Variants in CYSTM1 observed in about 807,000 individuals in gnomAD.
The protein encoded by CYSTM1 is cysteine rich transmembrane module containing 1.
A neutral mutation model predicts 13.1 loss-of-function variants in CYSTM1; 4 were observed. The ratio of observed to expected loss-of-function variants is 0.31; its 90% CI spans 0.15 to 0.70. The LOEUF is 0.70. Ranked by LOEUF, CYSTM1 falls within the 30% of genes least tolerant of loss-of-function variation. The pLI is 0.72. For synonymous variants in CYSTM1, 36 were observed against 42.7 expected, an observed-to-expected ratio of 0.84 and a Z score of 0.62; for missense variants, 96 against 121.6, an observed-to-expected ratio of 0.79 and a Z score of 0.99.
At chr5:140,222,944 T>C (rs1764508420) in intron 2 of CYSTM1, among the ~76,000 whole-genome samples, 5 of 152,232 alleles carry the variant, frequency 3.3e-5, no homozygotes, top group Admixed American at 3.3e-4. Context: ...CTCCTATTCT[T>C]ACCCCCAAAA....
chr5:140,216,128 T>C (rs908137972), intron 2 of CYSTM1, among the ~76,000 whole-genome samples: 6 of 151,782 alleles, frequency 4.0e-5, no homozygotes, highest in Non-Finnish European at 7.4e-5. Flanking sequence ...GGTAACAAAA[T>C]GAGACCCTGT....
At chr5:140,176,317 G>T (rs1763883125) in intron 1 of CYSTM1, among the ~76,000 whole-genome samples, 1 of 152,142 alleles carries the variant, frequency 6.6e-6, no homozygotes, top group African/African-American at 2.4e-5. Flanking sequence ...AAGGGTAGGG[G>T]CTCAGGCAGC....
intron 2 of CYSTM1, among the ~76,000 whole-genome samples, chr5:140,227,733 C>T (rs1764574777): frequency 2.0e-5 from 3 of 152,148 alleles, no homozygotes. Flanking sequence ...GAAATAGACG[C>T]TTGAAGAGAT....
chr5:140,236,213 C>T (rs538828030), intron 2 of CYSTM1, among the ~76,000 whole-genome samples: 1 of 152,288 alleles, frequency 6.6e-6, no homozygotes, highest in African/African-American at 2.4e-5. Context: ...ATTATCTGTA[C>T]GTCTTTCATC....
At chr5:140,195,371 A>G (rs1764141009) in intron 2 of CYSTM1, among the ~76,000 whole-genome samples, 1 of 149,978 alleles carries the variant, frequency 6.7e-6, no homozygotes, top group African/African-American at 2.4e-5. Flanking sequence ...ACTGTGCTAG[A>G]TGTCTTGGTC....
Position 140,219,187 on chromosome 5 carries a change from A to G in CYSTM1, c.188-24118A>G, listed in dbSNP as rs1764463089. The stretch of plus-strand genomic sequence containing the variant: ...CTGCTGGTGAAGTCTCTAGCCTCAC[A>G]TTTGCCAAATAATCACATCTCAGTG... On this transcript the variant is annotated intron_variant, in intron 2 of 2. Transcript: ENST00000261811. The surrounding 1 kb of genome is among the most constrained non-coding windows in gnomAD (Gnocchi z 4.1). Among the ~76,000 whole-genome samples, 1 of 151,988 alleles carries G rather than the reference A, an allele frequency of 6.6e-6. No homozygotes were observed. The highest frequency in any genetic ancestry group is 1.5e-5 in the Non-Finnish European group (1 of 67,992).
intron 1 of CYSTM1, among the ~76,000 whole-genome samples, chr5:140,184,562 A>C (rs1763994667): frequency 6.6e-6 from 1 of 152,242 alleles, no homozygotes; most frequent in East Asian, 1.9e-4. Context: ...CGCTATAAAA[A>C]GAAAGGCTGT....
chr5:140,226,495 AAT>A (rs1166948991), intron 2 of CYSTM1, among the ~76,000 whole-genome samples: 1 of 104,316 alleles, frequency 9.6e-6, no homozygotes, highest in Middle Eastern at 3.8e-3. Context: ...ATATATATAT[AAT>A]ATATATAAAT....
At chr5:140,205,926 T>C (rs1014768026) in intron 2 of CYSTM1, among the ~76,000 whole-genome samples, 1 of 152,208 alleles carries the variant, frequency 6.6e-6, no homozygotes, top group Admixed American at 6.5e-5. Context: ...CTCCTGCTCA[T>C]GCCCTCTGCT....
intron 1 of CYSTM1, among the ~76,000 whole-genome samples, chr5:140,181,983 CA>C (rs1398009511): frequency 1.3e-5 from 2 of 152,188 alleles, no homozygotes; most frequent in Non-Finnish European, 2.9e-5. Context: ...TAGTGTTTTT[CA>C]CACTTCATTT....
chr5:140,177,349 T>A (rs1763903156), intron 1 of CYSTM1, among the ~76,000 whole-genome samples: 1 of 152,114 alleles, frequency 6.6e-6, no homozygotes, highest in Non-Finnish European at 1.5e-5. Context: ...TGGAGTGCAG[T>A]GTCGAGATCT....
rs138383274 is a variant in CYSTM1, at chr5:140,229,037, T to C, written c.188-14268T>C. 420 of 379,280 alleles carry C rather than the reference T, an allele frequency of 1.1e-3. 2 individuals carry two copies. The highest frequency in any genetic ancestry group is 8.1e-3 in the African/African-American group (391 of 48,380). 23.5% of individuals were successfully genotyped at this position (379,280 alleles called of 1,614,324 possible). A position where few individuals can be genotyped will look rare whatever the true frequency, so the allele number is the denominator to read the frequency against. The stretch of plus-strand genomic sequence containing the variant: ...ACTAGTGACCTTGAACATAAACATA[T>C]AAGTTTTGGGCAGTTTGTACATATC... On this transcript the variant is annotated intron_variant, in intron 2 of 2. Transcript: ENST00000261811.
chr5:140,187,815 T>C (rs1350457590), intron 1 of CYSTM1, among the ~76,000 whole-genome samples: 1 of 152,190 alleles, frequency 6.6e-6, no homozygotes, highest in Non-Finnish European at 1.5e-5. Flanking sequence ...TTTGGTTTTT[T>C]ACCCCAAGTC....
At chr5:140,181,416 T>C (rs1203077800) in intron 1 of CYSTM1, among the ~76,000 whole-genome samples, 1 of 152,224 alleles carries the variant, frequency 6.6e-6, no homozygotes, top group Non-Finnish European at 1.5e-5. Flanking sequence ...GCTAACTTTG[T>C]TGAACTAATT....
rs1290068783 is a variant in CYSTM1 at position 140,243,306 on chromosome 5, G to A, written c.189G>A (p.Val63=). The A allele has an allele frequency of 9.3e-6, 15 of 1,612,898 alleles. No individual in the cohort carries two copies. Among genetic ancestry groups the A allele is most frequent in the South Asian group, 1.1e-5 (1 of 91,058 alleles). Residue 63 remains valine, a splice_region_variant and synonymous_variant, in exon 3 of 3, where the codon GTG becomes GTA. Transcript: ENST00000261811. ...GGPQEPPKTT[V]YVVEDQRRDE... ...CCCTCTTCCCTCTTCTCCCTCCAGT[G>A]TATGTGGTAGAAGACCAAAGAAGAG...
At chr5:140,196,805 A>G (rs1216895913) in intron 2 of CYSTM1, among the ~76,000 whole-genome samples, 3 of 152,260 alleles carry the variant, frequency 2.0e-5, no homozygotes, top group African/African-American at 7.2e-5. Flanking sequence ...AAAAACAGAC[A>G]AAAACTATGT....
rs774127237 is a variant in CYSTM1 at position 140,213,002 on chromosome 5, TATATATATGA to T, written c.187+18351_187+18360del. ...ACAAAAGTATATATATATATATATA[TATATATATGA>T]GAGAGAGAGACAGAGAGAGAGAGAA... On this transcript the variant is annotated intron_variant, in intron 2 of 2. Coordinates refer to ENST00000261811, the MANE Select transcript of CYSTM1 (RefSeq NM_032412.4). Among the ~76,000 whole-genome samples the T allele has an allele frequency of 1.6e-4, 22 of 136,702 alleles. 2 individuals are homozygous for T. The highest frequency in any genetic ancestry group is 3.7e-4 in the Admixed American group (5 of 13,620). 89.7% of individuals were successfully genotyped at this position (136,702 alleles called of 152,430 possible).
chr5:140,208,952 T>A (rs1764330851), intron 2 of CYSTM1, among the ~76,000 whole-genome samples: 1 of 149,824 alleles, frequency 6.7e-6, no homozygotes, highest in Non-Finnish European at 1.5e-5. Flanking sequence ...GGCAGGAGAA[T>A]GATGTGAACC....
chr5:140,213,129 A>C (rs1764390870), intron 2 of CYSTM1, among the ~76,000 whole-genome samples: 1 of 151,034 alleles, frequency 6.6e-6, no homozygotes, highest in African/African-American at 2.4e-5. Context: ...GATGAGCTCC[A>C]TGTATGTTAT....
Sources: gnomAD v4.1 joint callset for allele counts (sites outside exome capture counted in the v4.1 genomes callset) on GRCh38, gnomAD v4.1.1 for gene constraint, Gnocchi (gnomAD v3.1) non-coding constraint, MANE v1.5 for transcripts, NCBI Gene and HGNC (gene_info 2026-07-23, HGNC 2026-07-21) for gene names.